Variants in CLIP2 observed in about 807,000 individuals in gnomAD.
CLIP2 encodes CAP-Gly domain-containing linker protein 2.
Under a neutral mutation model 111.7 loss-of-function variants are expected in CLIP2, and 41 were observed. The ratio of observed to expected loss-of-function variants is 0.37; its 90% confidence interval spans 0.29 to 0.48. The LOEUF is 0.48. Ranked by LOEUF, CLIP2 falls within the 20% of genes least tolerant of loss-of-function variation. CLIP2 has a pLI of 0.99. For synonymous variants in CLIP2, 660 were observed against 644.2 expected (o/e 1.02, Z -0.37); for missense variants, 1,160 against 1,422.1 (o/e 0.82, Z 2.96).
chr7:74,367,688 C>T (rs1790497964), intron 8 of CLIP2, among the ~76,000 whole-genome samples: 1 of 152,158 alleles, frequency 6.6e-6, no homozygotes, highest in Non-Finnish European at 1.5e-5. Context: ...CAACCCAGGA[C>T]CACAGCCCAA....
At chr7:74,349,470 GTATA>G (rs1158400867) in intron 3 of CLIP2, among the ~76,000 whole-genome samples, 988 of 33,694 alleles carry the variant, frequency 0.029, 23 homozygotes, top group African/African-American at 0.051. Flanking sequence ...GTGTGTGTGT[GTATA>G]TATATATATA....
chr7:74,380,765 G>T, intron 10 of CLIP2, 41 bp from the exon 11 acceptor site: 1 of 1,566,500 alleles, frequency 6.4e-7, no homozygotes, highest in East Asian at 2.3e-5. Context: ...GGGGCCAAGG[G>T]GCAGAGGTGA....
chr7:74,380,978 C>T (rs1554313811), intron 11 of CLIP2, 115 bp downstream of exon 11: 4 of 988,292 alleles, frequency 4.0e-6, no homozygotes, highest in Admixed American at 3.4e-5. Context: ...TAAGAGTCAC[C>T]TCCTGTGTGC....
At chr7:74,291,504 T>C (rs1788018100) in intron 1 of CLIP2, among the ~76,000 whole-genome samples, 1 of 152,202 alleles carries the variant, frequency 6.6e-6, no homozygotes, top group African/African-American at 2.4e-5. Context: ...ATTGCATCTC[T>C]CTCTGCCTCG....
intron 2 of CLIP2, among the ~76,000 whole-genome samples, chr7:74,321,816 A>G (rs1032462599): frequency 8.6e-5 from 13 of 151,880 alleles, no homozygotes; most frequent in African/African-American, 2.9e-4. Flanking sequence ...CAGTGTTTAT[A>G]AAGTCTGCAG....
intron 3 of CLIP2, among the ~76,000 whole-genome samples, chr7:74,347,588 C>T (rs1789838646): frequency 6.6e-6 from 1 of 152,132 alleles, no homozygotes; most frequent in African/African-American, 2.4e-5. Context: ...TACTCTAAGT[C>T]CCCCTTACCC....
At chr7:74,375,309 G>A (rs1269452315) in intron 9 of CLIP2, among the ~76,000 whole-genome samples, 3 of 151,708 alleles carry the variant, frequency 2.0e-5, no homozygotes, top group Admixed American at 1.3e-4. Context: ...AACACTTTGG[G>A]ACGCCAGGGC....
At chr7:74,356,093 C>G (rs1322202313) in intron 4 of CLIP2, among the ~76,000 whole-genome samples, 1 of 152,180 alleles carries the variant, frequency 6.6e-6, no homozygotes, top group African/African-American at 2.4e-5. Flanking sequence ...ATGTAGATAA[C>G]TTTGGGGGAT....
intron 3 of CLIP2, among the ~76,000 whole-genome samples, chr7:74,346,729 A>AC (rs1789806691): frequency 1.1e-5 from 1 of 93,348 alleles, no homozygotes; most frequent in African/African-American, 2.9e-5. Context: ...AAAAAAAAAA[A>AC]AAAAAAAAAA....
intron 2 of CLIP2, among the ~76,000 whole-genome samples, chr7:74,318,329 T>C (rs1249999543): frequency 1.3e-5 from 2 of 152,092 alleles, no homozygotes; most frequent in Non-Finnish European, 2.9e-5. Flanking sequence ...ATTTTCATCC[T>C]AATAATGAGA....
chr7:74,327,911 C>T (rs781975496), intron 2 of CLIP2, among the ~76,000 whole-genome samples: 9 of 152,172 alleles, frequency 5.9e-5, no homozygotes, highest in East Asian at 1.9e-4. Flanking sequence ...GTTCCCCGGC[C>T]GCCTCTGCTG....
At chr7:74,301,392 A>G (rs74614312) in intron 1 of CLIP2, among the ~76,000 whole-genome samples, 1 of 107,728 alleles carries the variant, frequency 9.3e-6, no homozygotes. Context: ...TATTATTGTT[A>G]TTATTATTGA....
chr7:74,333,907 C>T (rs1419540067), intron 2 of CLIP2, among the ~76,000 whole-genome samples: 1 of 152,210 alleles, frequency 6.6e-6, no homozygotes, highest in African/African-American at 2.4e-5. Flanking sequence ...ACAGGGAGCT[C>T]CCAAACAGCT....
Position 74,397,143 on chromosome 7 carries a change from G to C in CLIP2, c.2790G>C (p.Leu930=), listed in dbSNP as rs782078080. Residue 930 remains leucine, a synonymous_variant, in exon 14 of 17, where the codon CTG becomes CTC. Transcript: ENST00000223398. ...ACTCCCCAGGGCCGGAGAGGGACCT[G>C]AGCCGTGAGGTACACAAGGCTGAGT... The part of the protein sequence containing the change: ...NRHSPGPERD[L]SREVHKAEWR... The C allele has an allele frequency of 1.9e-6, 3 of 1,613,970 alleles. No homozygotes were observed. The highest frequency in any genetic ancestry group is 4.5e-5 in the East Asian group (2 of 44,874).
At chr7:74,323,401 G>C (rs1554730272) in intron 2 of CLIP2, among the ~76,000 whole-genome samples, 1 of 150,884 alleles carries the variant, frequency 6.6e-6, no homozygotes, top group Non-Finnish European at 1.5e-5. Context: ...GGCTGGCCTA[G>C]ATATCTTTTT....
At chr7:74,360,327 A>T in intron 7 of CLIP2, 49 bp downstream of exon 7, 1 of 1,427,262 alleles carries the variant, frequency 7.0e-7, no homozygotes, top group Non-Finnish European at 9.7e-7. Context: ...CTTAAGGAGG[A>T]TGAGGAAGAG....
At chr7:74,386,163 T>C (rs1554314747) in intron 11 of CLIP2, among the ~76,000 whole-genome samples, 26 of 151,764 alleles carry the variant, frequency 1.7e-4, no homozygotes. Flanking sequence ...TTCTCCTGCC[T>C]CAGCCTCCCG....
chr7:74,351,114 A>G (rs1257790972), intron 3 of CLIP2, among the ~76,000 whole-genome samples: 2 of 149,072 alleles, frequency 1.3e-5, no homozygotes, highest in African/African-American at 4.9e-5. Flanking sequence ...AAGGAAGGGA[A>G]GAAAGAGAGA....
In CLIP2 at chr7:74,289,493, C is replaced by T. The variant is rs1787946843; in HGVS notation, c.-309C>T. 3 of 150,894 alleles carry T rather than the reference C, an allele frequency of 2.0e-5. No individual in the cohort carries two copies. The allele number at this position is 150,894 out of a possible 1,614,324, so 9.3% of individuals were successfully genotyped here. A position where few individuals can be genotyped will look rare whatever the true frequency, so the allele number is the denominator to read the frequency against. ...CTCAGCTCGGCTCGGCCGCGGGGCGCGCAGGCGGCTGCTGGGCGGCCTCGG... is the reference window on the plus strand; with the variant it reads ...CTCAGCTCGGCTCGGCCGCGGGGCGTGCAGGCGGCTGCTGGGCGGCCTCGG... On this transcript the variant is annotated 5_prime_UTR_variant, in exon 1 of 17. Transcript: ENST00000223398.
Sources: gnomAD v4.1 joint callset for allele counts (sites outside exome capture counted in the v4.1 genomes callset) on GRCh38, gnomAD v4.1.1 for gene constraint, MANE v1.5 for transcripts, NCBI Gene and HGNC (gene_info 2026-07-23, HGNC 2026-07-21) for gene names.